Variants in TBC1D22B observed in about 807,000 individuals in gnomAD.
TBC1D22B encodes chromosome 6 open reading frame 197.
A neutral mutation model predicts 69.1 loss-of-function variants in TBC1D22B; 32 were observed. That is an observed-to-expected ratio of 0.46 (90% CI 0.35 to 0.62). The LOEUF (loss-of-function observed/expected upper bound fraction) is 0.62. TBC1D22B is among the 20% of genes least tolerant of loss of function. The pLI is 0.00. For synonymous variants in TBC1D22B, 206 were observed against 229.8 expected (o/e 0.90, Z 0.94); for missense variants, 462 against 630.9 (o/e 0.73, Z 2.87).
intron 1 of TBC1D22B, among the ~76,000 whole-genome samples, chr6:37,267,421 CATATAAT>C (rs1766327451): frequency 1.5e-5 from 2 of 130,264 alleles, no homozygotes; most frequent in African/African-American, 5.9e-5. Flanking sequence ...TATATATACA[CATATAAT>C]ATATATACAC....
At chr6:37,272,101 T>A (rs906346679) in intron 2 of TBC1D22B, among the ~76,000 whole-genome samples, 4 of 152,056 alleles carry the variant, frequency 2.6e-5, no homozygotes, top group African/African-American at 9.7e-5. Flanking sequence ...ATAGGGTCGC[T>A]CTATTGAGGC....
chr6:37,278,277 G>A (rs1209543978), intron 2 of TBC1D22B, among the ~76,000 whole-genome samples: 1 of 152,216 alleles, frequency 6.6e-6, no homozygotes, highest in Non-Finnish European at 1.5e-5. Flanking sequence ...TAAAGACAGA[G>A]TAGCACCAAA....
chr6:37,274,933 T>G (rs1424921956), intron 2 of TBC1D22B, among the ~76,000 whole-genome samples: 3 of 152,162 alleles, frequency 2.0e-5, no homozygotes, highest in African/African-American at 4.8e-5. Context: ...GCGCCTGTAA[T>G]CCCAGCTACT....
rs1301900663 is a variant in TBC1D22B, at chr6:37,321,819, G to A, written c.1389+4613G>A. Among the ~76,000 whole-genome samples, 8 of 152,294 alleles carry A rather than the reference G, an allele frequency of 5.3e-5. No homozygotes were observed. The East Asian group carries it at 5.8e-4, about 11-fold the overall frequency. On this transcript the variant is annotated intron_variant, in intron 12 of 12. Coordinates refer to ENST00000373491, the MANE Select transcript of TBC1D22B (RefSeq NM_017772.4). ...TGTTAGATCAGTGGCTGGGGAGGCC[G>A]TGTTGACTGGGGAGGAGCATGAGTC...
chr6:37,307,051 C>A (rs975339287), intron 8 of TBC1D22B, among the ~76,000 whole-genome samples: 1 of 151,984 alleles, frequency 6.6e-6, no homozygotes, highest in Non-Finnish European at 1.5e-5. Flanking sequence ...CGAGGGGCCT[C>A]TCCACCCTCT....
intron 12 of TBC1D22B, among the ~76,000 whole-genome samples, chr6:37,324,655 C>CA (rs928175018): frequency 6.4e-4 from 92 of 144,528 alleles, no homozygotes; most frequent in East Asian, 3.8e-3. Flanking sequence ...TAAAAATGAA[C>CA]AAAAAAAAAA....
At chr6:37,322,139 C>G (rs1160601635) in intron 12 of TBC1D22B, among the ~76,000 whole-genome samples, 1 of 152,176 alleles carries the variant, frequency 6.6e-6, no homozygotes, top group Non-Finnish European at 1.5e-5. Context: ...TTCTGTTACC[C>G]AGCAGTGAGC....
intron 12 of TBC1D22B, among the ~76,000 whole-genome samples, chr6:37,325,153 T>G (rs1409033388): frequency 6.6e-6 from 1 of 152,214 alleles, no homozygotes; most frequent in African/African-American, 2.4e-5. Flanking sequence ...CTTTGGCCTC[T>G]TACCTAATTG....
At chr6:37,265,234 T>C (rs1185381851) in intron 1 of TBC1D22B, among the ~76,000 whole-genome samples, 2 of 152,252 alleles carry the variant, frequency 1.3e-5, no homozygotes, top group Admixed American at 1.3e-4. Flanking sequence ...AAAAATAGTC[T>C]ACTGTGATTT....
chr6:37,280,193 A>G (rs1562046456), intron 3 of TBC1D22B, among the ~76,000 whole-genome samples: 1 of 152,234 alleles, frequency 6.6e-6, no homozygotes, highest in Non-Finnish European at 1.5e-5. Flanking sequence ...AACTGGCCAC[A>G]GTAATGGTTG....
rs759310621 is a variant in TBC1D22B, at chr6:37,269,597, T to G, written c.60T>G (p.Ile20Met). 32 of 1,614,154 alleles carry G rather than the reference T, an allele frequency of 2.0e-5. No individual in the cohort carries two copies. Among genetic ancestry groups the G allele is most frequent in the Non-Finnish European group, 2.5e-5 (29 of 1,179,994 alleles). Reference protein sequence around the residue: ...WKRSAKLPGSIQPVYGAQHPP... With the variant: ...WKRSAKLPGSMQPVYGAQHPP... ...TTCCTTTTGTTTTTGCTTTTAGCAT[T>G]CAGCCTGTATATGGAGCACAGCATC... Residue 20 changes from isoleucine (I) to methionine (M), a missense_variant, in exon 2 of 13, where the codon ATT becomes ATG. This residue lies in a region of TBC1D22B where 237 missense variants were observed against 255.4 expected (regional missense o/e 0.93). Coordinates refer to ENST00000373491, the MANE Select transcript of TBC1D22B (RefSeq NM_017772.4).
At chr6:37,320,830 T>C (rs1768217667) in intron 12 of TBC1D22B, among the ~76,000 whole-genome samples, 1 of 152,204 alleles carries the variant, frequency 6.6e-6, no homozygotes, top group South Asian at 2.1e-4. Context: ...CACATAGTAC[T>C]CTGGGAGCAG....
At chr6:37,285,013 T>C (rs1360163646) in intron 6 of TBC1D22B, among the ~76,000 whole-genome samples, 3 of 152,204 alleles carry the variant, frequency 2.0e-5, no homozygotes, top group Non-Finnish European at 4.4e-5. Context: ...CAGGGAGTCT[T>C]CTGTCATTGC....
chr6:37,332,513 C>T lies in TBC1D22B; in HGVS notation c.*1341C>T, dbSNP rs2113799248. 6.6e-6 allele frequency: 1 copy of T among 152,646 alleles called. No individual in the cohort carries two copies. Among genetic ancestry groups the T allele is most frequent in the South Asian group, 2.1e-4 (1 of 4,804 alleles). 9.5% of individuals were successfully genotyped at this position (152,646 alleles called of 1,614,324 possible). The stretch of plus-strand genomic sequence containing the variant: ...TGTCCCTCGGGTTTGGGGCTCTTCT[C>T]AGAGAGCAGCACTCCATATCCCTTA... On this transcript the variant is annotated 3_prime_UTR_variant, in exon 13 of 13. Transcript: ENST00000373491.
chr6:37,309,670 G>A (rs1767843755), intron 8 of TBC1D22B, among the ~76,000 whole-genome samples: 1 of 152,182 alleles, frequency 6.6e-6, no homozygotes, highest in Non-Finnish European at 1.5e-5. Context: ...TAGTCCTGGA[G>A]AAGAGTCTGC....
At chr6:37,318,847 G>A (rs1489596694) in intron 12 of TBC1D22B, among the ~76,000 whole-genome samples, 1 of 152,210 alleles carries the variant, frequency 6.6e-6, no homozygotes, top group African/African-American at 2.4e-5. Context: ...AGGGTTGGGG[G>A]TGGCGAGTGT....
chr6:37,324,879 C>T (rs1000699166), intron 12 of TBC1D22B, among the ~76,000 whole-genome samples: 49 of 152,324 alleles, frequency 3.2e-4, no homozygotes, highest in Middle Eastern at 3.4e-3. Flanking sequence ...TCAATTTCCT[C>T]ATCTGTAAAA....
At chr6:37,330,840 A>G (rs1165478530) in intron 12 of TBC1D22B, among the ~76,000 whole-genome samples, 1 of 152,144 alleles carries the variant, frequency 6.6e-6, no homozygotes, top group African/African-American at 2.4e-5. Flanking sequence ...AGTGGACTAG[A>G]GAATCAGCAG....
intron 5 of TBC1D22B, 73 bp from the exon 6 acceptor site, chr6:37,284,263 A>G (rs1766935797): frequency 1.2e-6 from 2 of 1,607,990 alleles, no homozygotes; most frequent in African/African-American, 1.3e-5. Context: ...AAACCACTGC[A>G]TAGATTAAAA....
Sources: gnomAD v4.1 joint callset for allele counts (sites outside exome capture counted in the v4.1 genomes callset) on GRCh38, gnomAD v4.1.1 for gene constraint, gnomAD v4.1.1 regional missense constraint, MANE v1.5 for transcripts, NCBI Gene and HGNC (gene_info 2026-07-23, HGNC 2026-07-21) for gene names.